The following NRCAM variants were observed in gnomAD, a reference collection of about 807,000 sequenced individuals.
NRCAM encodes neuronal cell adhesion molecule.
In NRCAM, 83 loss-of-function variants were observed where a neutral mutation model predicts 156.5. The observed-to-expected ratio is 0.53, with a 90% CI of 0.44 to 0.64. The LOEUF (loss-of-function observed/expected upper bound fraction) is 0.64, where lower values mean the gene tolerates loss of function less well. Ranked by LOEUF, NRCAM falls within the 30% of genes least tolerant of loss-of-function variation. The pLI is 0.00. For missense variants in NRCAM, 1,417 were observed against 1,597.3 expected, an observed-to-expected ratio of 0.89 and a Z score of 1.92; for synonymous variants, 538 against 563.9, an observed-to-expected ratio of 0.95 and a Z score of 0.65.
intron 2 of NRCAM, among the ~76,000 whole-genome samples, chr7:108,329,905 G>T (rs1239263473): frequency 6.6e-6 from 1 of 152,102 alleles, no homozygotes; most frequent in Non-Finnish European, 1.5e-5. Flanking sequence ...ATCATTTTCT[G>T]ATTTTCATTC....
chr7:108,355,602 G>A (rs2099488839), intron 2 of NRCAM, among the ~76,000 whole-genome samples: 1 of 152,144 alleles, frequency 6.6e-6, no homozygotes, highest in Non-Finnish European at 1.5e-5. Context: ...GTTTTAAATG[G>A]CATGTCATTC....
chr7:108,167,136 C>A, intron 29 of NRCAM, 63 bp from the exon 30 acceptor site: 2 of 1,325,534 alleles, frequency 1.5e-6, no homozygotes, highest in South Asian at 1.3e-5. Flanking sequence ...TCACTTAATG[C>A]TTCAAGAAAG....
At chr7:108,448,876 C>T (rs1847344714) in intron 1 of NRCAM, among the ~76,000 whole-genome samples, 1 of 152,136 alleles carries the variant, frequency 6.6e-6, no homozygotes, top group African/African-American at 2.4e-5. Flanking sequence ...TCTTGTTGCA[C>T]ATCAAAACAA....
At chr7:108,293,282 G>C (rs535235711) in intron 3 of NRCAM, among the ~76,000 whole-genome samples, 2 of 152,056 alleles carry the variant, frequency 1.3e-5, no homozygotes, top group African/African-American at 4.8e-5. Context: ...GGGCGATCAC[G>C]GCTTGGCTAA....
chr7:108,455,946 C>T (rs1372217160), intron 1 of NRCAM, among the ~76,000 whole-genome samples: 1 of 152,214 alleles, frequency 6.6e-6, no homozygotes, highest in Non-Finnish European at 1.5e-5. Context: ...AAGTTGGCCA[C>T]AGGCTGGAGG....
rs558969669 is a variant in NRCAM, at chr7:108,421,971, T to C, written c.-331-22378A>G. Among the ~76,000 whole-genome samples, 3 of 152,314 alleles carry C rather than the reference T, an allele frequency of 2.0e-5. No homozygotes were observed. The South Asian group carries it at 6.2e-4, about 32-fold the overall frequency. ...CCTTTTCCACTAAAACGAAGGTATG[T>C]TTATGGCATGCCACATACAGTGGAA... On this transcript the variant is annotated intron_variant, in intron 1 of 32. Transcript: ENST00000379028.
At chr7:108,327,388 T>G in intron 2 of NRCAM, among the ~76,000 whole-genome samples, 1 of 152,202 alleles carries the variant, frequency 6.6e-6, no homozygotes, top group East Asian at 1.9e-4. Context: ...TTCATCAGAT[T>G]TTGTTACTGT....
At chr7:108,344,382 C>A (rs549453140) in intron 2 of NRCAM, among the ~76,000 whole-genome samples, 37 of 152,180 alleles carry the variant, frequency 2.4e-4, no homozygotes, top group African/African-American at 8.7e-4. Flanking sequence ...GTGAGAGGGA[C>A]AATGATCGGG....
At position 108,239,582 on chromosome 7, in the gene NRCAM, G is replaced by A. The variant is rs912943861; in HGVS notation, c.106+377C>T. Among the ~76,000 whole-genome samples the A allele has an allele frequency of 3.9e-5, 6 of 152,066 alleles. No individual in the cohort carries two copies. The East Asian group carries it at 5.8e-4, about 15-fold the overall frequency. On this transcript the variant is annotated intron_variant, in intron 4 of 32. Coordinates refer to ENST00000379028, the MANE Select transcript of NRCAM (RefSeq NM_001037132.4). ...AAAGTGGTGAAGGGATGAGTGGGGA[G>A]GTCTCCATGATCATTTTAAAGTGGC...
intron 3 of NRCAM, among the ~76,000 whole-genome samples, chr7:108,247,428 C>T (rs1445406473): frequency 6.6e-5 from 10 of 152,030 alleles, no homozygotes; most frequent in African/African-American, 2.2e-4. Flanking sequence ...CTAATCTATC[C>T]TTTTTGGTTT....
At chr7:108,352,753 C>T (rs2099427471) in intron 2 of NRCAM, among the ~76,000 whole-genome samples, 1 of 152,164 alleles carries the variant, frequency 6.6e-6, no homozygotes, top group African/African-American at 2.4e-5. Context: ...TAAACATCCT[C>T]ATTTCAGTCA....
At chr7:108,227,094 C>T (rs953228886) in intron 8 of NRCAM, among the ~76,000 whole-genome samples, 7 of 152,184 alleles carry the variant, frequency 4.6e-5, no homozygotes, top group African/African-American at 1.2e-4. Context: ...TGACTTATTG[C>T]CTATTTCCTG....
intron 8 of NRCAM, among the ~76,000 whole-genome samples, chr7:108,227,935 A>G (rs959262857): frequency 2.0e-5 from 3 of 152,232 alleles, no homozygotes; most frequent in African/African-American, 7.2e-5. Context: ...TCGGTTCATC[A>G]TGTTAATCAA....
upstream of NRCAM, chr7:108,456,696 C>T (rs1857731950): frequency 6.6e-6 from 1 of 152,196 alleles, no homozygotes; most frequent in Non-Finnish European, 1.5e-5. Context: ...CCGCCAACCT[C>T]CGTCAGCCTG....
At chr7:108,281,334 G>A (rs1323161099) in intron 3 of NRCAM, among the ~76,000 whole-genome samples, 1 of 151,896 alleles carries the variant, frequency 6.6e-6, no homozygotes, top group African/African-American at 2.4e-5. Flanking sequence ...AACACTGTGG[G>A]CAATAAAAAA....
At position 108,313,909 on chromosome 7, in the gene NRCAM, G is replaced by A. The variant is rs147771056; in HGVS notation, c.-173-1178C>T. Among the ~76,000 whole-genome samples, 742 of 152,048 alleles carry A rather than the reference G, an allele frequency of 4.9e-3. 5 individuals carry two copies. The highest frequency in any genetic ancestry group is 0.017 in the African/African-American group (709 of 41,470). ...TATATTGAGCACTTAATACATATCC[G>A]CCAATTCACTGGATAAATCTAAACA... On this transcript the variant is annotated intron_variant, in intron 2 of 32. Transcript: ENST00000379028.
At chr7:108,205,008 C>A (rs780565165) in intron 13 of NRCAM, among the ~76,000 whole-genome samples, 13 of 152,174 alleles carry the variant, frequency 8.5e-5, no homozygotes, top group Admixed American at 2.6e-4. Context: ...GTTAAGATGA[C>A]TGGATTTACA....
intron 2 of NRCAM, among the ~76,000 whole-genome samples, chr7:108,387,678 T>G (rs911967751): frequency 3.3e-5 from 5 of 152,202 alleles, no homozygotes; most frequent in African/African-American, 1.2e-4. Flanking sequence ...ACTCGTCATT[T>G]ACATTAGGTA....
At chr7:108,175,429 T>C (rs1322737515) in intron 27 of NRCAM, 72 bp from the exon 28 acceptor site, 12 of 1,273,798 alleles carry the variant, frequency 9.4e-6, no homozygotes, top group Non-Finnish European at 1.3e-5. Context: ...TGTATAGCGA[T>C]ACAAAAACAC....
Sources: allele counts gnomAD v4.1 joint callset (sites outside exome capture counted in the v4.1 genomes callset), GRCh38; gene constraint gnomAD v4.1.1; transcripts MANE v1.5; gene names NCBI Gene and HGNC (gene_info 2026-07-23, HGNC 2026-07-21).